CHN2: variants seen among roughly 807,000 people sequenced by gnomAD.
The protein encoded by CHN2 is chimerin 2, also known as beta-chimaerin.
Under a neutral mutation model 56.3 loss-of-function variants are expected in CHN2, and 35 were observed. That is an observed-to-expected ratio of 0.62 (90% confidence interval 0.47 to 0.82). The LOEUF (loss-of-function observed/expected upper bound fraction) is 0.82, where lower values mean the gene tolerates loss of function less well. CHN2 is among the 40% of genes least tolerant of loss of function. CHN2 has a pLI of 0.00. For missense variants in CHN2, 491 were observed against 580.5 expected, an observed-to-expected ratio of 0.85 and a Z score of 1.58; for synonymous variants, 210 against 212.8, an observed-to-expected ratio of 0.99 and a Z score of 0.12.
At chr7:29,497,086 A>G (rs546426190) in intron 8 of CHN2, among the ~76,000 whole-genome samples, 12 of 152,318 alleles carry the variant, frequency 7.9e-5, no homozygotes, top group African/African-American at 2.4e-4. Context: ...AAATACACCA[A>G]TCACCGGTGT....
chr7:29,316,232 T>C (rs1246916994), intron 1 of CHN2, among the ~76,000 whole-genome samples: 1 of 152,228 alleles, frequency 6.6e-6, no homozygotes, highest in African/African-American at 2.4e-5. Flanking sequence ...GAAACACATT[T>C]TATTTGAGCT....
chr7:29,161,951 G>A (rs559250047), intron 2 of CHN2, among the ~76,000 whole-genome samples: 5 of 152,166 alleles, frequency 3.3e-5, no homozygotes, highest in Non-Finnish European at 7.4e-5. Context: ...TCAGGGGAAT[G>A]TAAGTTAAAA....
intron 6 of CHN2, among the ~76,000 whole-genome samples, chr7:29,421,397 A>G (rs1562594024): frequency 6.6e-6 from 1 of 151,222 alleles, no homozygotes; most frequent in African/African-American, 2.4e-5. Context: ...CGGCTCTGGA[A>G]GGAAGTAAAA....
At chr7:29,473,886 C>G (rs1476084418) in intron 6 of CHN2, among the ~76,000 whole-genome samples, 3 of 151,968 alleles carry the variant, frequency 2.0e-5, no homozygotes, top group Non-Finnish European at 4.4e-5. Flanking sequence ...CATCCATGCA[C>G]ACTAAATCTA....
chr7:29,195,629 A>AGAGAGAGAGAGAGAGAGAGT (rs869037854), intron 1 of CHN2, among the ~76,000 whole-genome samples: 34 of 117,552 alleles, frequency 2.9e-4, no homozygotes, highest in African/African-American at 1.1e-3. Context: ...AGAGAGAGAG[A>AGAGAGAGAGAGAGAGAGAGT]GTGTGTGTGT....
intron 6 of CHN2, among the ~76,000 whole-genome samples, chr7:29,414,709 C>T (rs1422944115): frequency 6.6e-6 from 1 of 152,156 alleles, no homozygotes; most frequent in African/African-American, 2.4e-5. Context: ...CTCAGCTGCT[C>T]CCTCTCCCTA....
intron 1 of CHN2, among the ~76,000 whole-genome samples, chr7:29,237,116 C>G (rs1787258013): frequency 1.3e-5 from 2 of 152,222 alleles, no homozygotes; most frequent in South Asian, 2.1e-4. Flanking sequence ...GCCTGCCAAC[C>G]AATACCTAAG....
At chr7:29,227,841 C>T (rs1786331220) in intron 1 of CHN2, among the ~76,000 whole-genome samples, 1 of 152,102 alleles carries the variant, frequency 6.6e-6, no homozygotes, top group Non-Finnish European at 1.5e-5. Flanking sequence ...GGAATAGAAA[C>T]AACCCAAGTG....
chr7:29,401,984 G>A (rs555514856), intron 6 of CHN2, among the ~76,000 whole-genome samples: 28 of 151,886 alleles, frequency 1.8e-4, no homozygotes, highest in Non-Finnish European at 3.4e-4. Flanking sequence ...AGGCACACTA[G>A]GGCTGGGACA....
At chr7:29,504,546 G>A (rs1222851208) in intron 9 of CHN2, among the ~76,000 whole-genome samples, 198 bp from the exon 10 acceptor site, 1 of 152,180 alleles carries the variant, frequency 6.6e-6, no homozygotes, top group Non-Finnish European at 1.5e-5. Context: ...ACTGCTACAT[G>A]GGCAAATGAG....
intron 1 of CHN2, among the ~76,000 whole-genome samples, chr7:29,294,491 G>C (rs180864377): frequency 2.5e-4 from 38 of 152,174 alleles, no homozygotes; most frequent in Admixed American, 2.4e-3. Flanking sequence ...CTGTAAATTG[G>C]GCATATGTCC....
intron 6 of CHN2, among the ~76,000 whole-genome samples, chr7:29,409,775 G>A (rs117824876): frequency 0.016 from 2,411 of 152,322 alleles, 27 homozygotes; most frequent in Non-Finnish European, 0.025. Flanking sequence ...TCTCTAAAGG[G>A]ATCTTGGGGA....
At chr7:29,299,647 G>A (rs957420003) in intron 1 of CHN2, among the ~76,000 whole-genome samples, 1 of 151,486 alleles carries the variant, frequency 6.6e-6, no homozygotes, top group African/African-American at 2.4e-5. Flanking sequence ...TATTATTAAT[G>A]CACATGACTC....
intron 1 of CHN2, among the ~76,000 whole-genome samples, chr7:29,215,685 G>A (rs920713221): frequency 2.0e-5 from 3 of 151,962 alleles, no homozygotes; most frequent in Non-Finnish European, 2.9e-5. Context: ...GGTCTTTAGT[G>A]TGTGAGTATA....
At chr7:29,476,374 T>C (rs1179876964) in intron 6 of CHN2, among the ~76,000 whole-genome samples, 2 of 151,832 alleles carry the variant, frequency 1.3e-5, no homozygotes, top group African/African-American at 4.8e-5. Flanking sequence ...CCATCTCTAC[T>C]AAAAATACAA....
At chr7:29,499,738 C>T (rs989247363) in intron 8 of CHN2, 129 bp from the exon 9 acceptor site, 7 of 745,082 alleles carry the variant, frequency 9.4e-6, no homozygotes, top group South Asian at 2.4e-5. Flanking sequence ...GTCCTAGAAA[C>T]GGGATAGATG....
chr7:29,488,525 C>T (rs1345438259), intron 7 of CHN2, among the ~76,000 whole-genome samples: 3 of 151,554 alleles, frequency 2.0e-5, no homozygotes, highest in Non-Finnish European at 4.4e-5. Context: ...CATAAAGTAG[C>T]TAAACAAACA....
At chr7:29,293,289 TTTCCCCTGAATTAAGGACTGTCGGGC>T (rs927118518) in intron 1 of CHN2, among the ~76,000 whole-genome samples, 1 of 151,576 alleles carries the variant, frequency 6.6e-6, no homozygotes, top group Non-Finnish European at 1.5e-5. Flanking sequence ...CATCCTCGAT[TTTCCCCTGAATTAAGGACTGTCGGGC>T]TTTGACCCAT....
intron 1 of CHN2, among the ~76,000 whole-genome samples, chr7:29,223,712 A>T (rs1785977234): frequency 1.3e-5 from 2 of 152,180 alleles, no homozygotes; most frequent in African/African-American, 4.8e-5. Flanking sequence ...TGGGATTATT[A>T]CAAAAAATAT....
Sources: gnomAD v4.1 joint callset for allele counts (sites outside exome capture counted in the v4.1 genomes callset) on GRCh38, gnomAD v4.1.1 for gene constraint, MANE v1.5 for transcripts, NCBI Gene and HGNC (gene_info 2026-07-23, HGNC 2026-07-21) for gene names.